Variants in COLEC12 observed in about 807,000 individuals in gnomAD.
COLEC12 encodes the protein collectin subfamily member 12.
A neutral mutation model predicts 71.1 loss-of-function variants in COLEC12; 33 were observed. The observed-to-expected ratio is 0.46, with a 90% confidence interval of 0.35 to 0.62. COLEC12 has a LOEUF of 0.62. Among genes scored for constraint, COLEC12 ranks in the 20% least tolerant of loss-of-function variants. The pLI is 0.00. For synonymous variants in COLEC12, 350 were observed against 353.0 expected, an observed-to-expected ratio of 0.99 and a Z score of 0.10; for missense variants, 765 against 916.1, an observed-to-expected ratio of 0.84 and a Z score of 2.13.
Position 387,931 on chromosome 18 carries a change from GCT to G in COLEC12, c.59-30411_59-30410del. ...AAATTGTCAGTTCAGCCAATTGCTAGCTCTCTCCAATACTTGGGATCTAGGAA... is the reference window on the plus strand; with the variant it reads ...AAATTGTCAGTTCAGCCAATTGCTAGCTCTCCAATACTTGGGATCTAGGAA... On this transcript the variant is annotated intron_variant, in intron 2 of 9. Coordinates refer to ENST00000400256, the MANE Select transcript of COLEC12 (RefSeq NM_130386.3). Among the ~76,000 whole-genome samples, 3 of 152,296 alleles carry G rather than the reference GCT, an allele frequency of 2.0e-5. No individual in the cohort carries two copies. The South Asian group carries it at 6.2e-4, about 32-fold the overall frequency.
Position 421,787 on chromosome 18 carries a change from G to T in COLEC12, c.58+58920C>A, listed in dbSNP as rs372242016. Among the ~76,000 whole-genome samples, 7 of 152,236 alleles carry T rather than the reference G, an allele frequency of 4.6e-5. No homozygotes were observed. In the South Asian group the frequency reaches 1.2e-3, roughly 27 times the overall value. ...ACATTCCTGCCAGTGTTTTCAAATA[G>T]ACTCCAAACTGCCATTCAAGCATTT... On this transcript the variant is annotated intron_variant, in intron 2 of 9. Transcript: ENST00000400256.
chr18:495,154 G>A (rs955357938), intron 1 of COLEC12, among the ~76,000 whole-genome samples: 1 of 152,120 alleles, frequency 6.6e-6, no homozygotes, highest in Non-Finnish European at 1.5e-5. Context: ...GTATGATGCT[G>A]GTTTTGGTTC....
At chr18:321,883 T>C (rs1913714813) in intron 8 of COLEC12, 76 bp from the exon 9 acceptor site, 1 of 1,433,748 alleles carries the variant, frequency 7.0e-7, no homozygotes, top group Admixed American at 2.2e-5. Context: ...CAGCAGAGAA[T>C]ATAAAAAAAC....
chr18:344,676 A>G (rs1914333001), intron 5 of COLEC12, among the ~76,000 whole-genome samples: 1 of 152,220 alleles, frequency 6.6e-6, no homozygotes, highest in African/African-American at 2.4e-5. Context: ...CTTCCAGTCA[A>G]CTAAAATCCC....
At chr18:475,093 A>T (rs1223159155) in intron 2 of COLEC12, among the ~76,000 whole-genome samples, 1 of 152,020 alleles carries the variant, frequency 6.6e-6, no homozygotes, top group African/African-American at 2.4e-5. Context: ...ATAAATAAAT[A>T]AATTCAGAAA....
chr18:372,610 G>A (rs1915024598), intron 2 of COLEC12, among the ~76,000 whole-genome samples: 1 of 151,972 alleles, frequency 6.6e-6, no homozygotes. Context: ...TAGAAATGGG[G>A]TTTCACCATA....
Position 321,593 on chromosome 18 carries a change from C to A in COLEC12, c.2209+69G>T. On this transcript the variant is annotated intron_variant, in intron 9 of 9. Transcript: ENST00000400256. ...AGTGCCTGCATTCAGGGCCCTTGTACTCACCACCCCTCACCCTTTCATAGG... is the reference window on the plus strand; with the variant it reads ...AGTGCCTGCATTCAGGGCCCTTGTAATCACCACCCCTCACCCTTTCATAGG... The A allele has an allele frequency of 2.5e-6, 4 of 1,570,094 alleles. No individual in the cohort carries two copies. In the South Asian group the frequency reaches 4.5e-5, roughly 18 times the overall value.
At chr18:446,528 C>T (rs1408607054) in intron 2 of COLEC12, among the ~76,000 whole-genome samples, 6 of 144,636 alleles carry the variant, frequency 4.1e-5, no homozygotes, top group African/African-American at 1.5e-4. Context: ...ATAGCAAGAC[C>T]CTATCTCTGT....
At chr18:393,481 C>T (rs1915506345) in intron 2 of COLEC12, among the ~76,000 whole-genome samples, 1 of 152,066 alleles carries the variant, frequency 6.6e-6, no homozygotes, top group Non-Finnish European at 1.5e-5. Context: ...CTTCCCACCT[C>T]TAACAACTGT....
intron 2 of COLEC12, among the ~76,000 whole-genome samples, chr18:376,486 T>C (rs1915115722): frequency 1.3e-5 from 2 of 152,226 alleles, no homozygotes; most frequent in South Asian, 4.1e-4. Context: ...TTTTGGCACG[T>C]TGCACTGTAG....
chr18:419,819 G>A (rs759461431), intron 2 of COLEC12, among the ~76,000 whole-genome samples: 1 of 152,190 alleles, frequency 6.6e-6, no homozygotes. Flanking sequence ...AGAGTGGGTT[G>A]GTGGGGGTGA....
chr18:377,432 A>G (rs1313596169), intron 2 of COLEC12, among the ~76,000 whole-genome samples: 1 of 152,210 alleles, frequency 6.6e-6, no homozygotes, highest in African/African-American at 2.4e-5. Flanking sequence ...GGCTAGATCT[A>G]ACAGTGTGCG....
intron 2 of COLEC12, among the ~76,000 whole-genome samples, chr18:409,377 A>G (rs1016245276): frequency 6.6e-6 from 1 of 152,090 alleles, no homozygotes; most frequent in Non-Finnish European, 1.5e-5. Context: ...CTACTAATAA[A>G]ACAAAAATTA....
At chr18:437,950 A>C (rs1432311813) in intron 2 of COLEC12, among the ~76,000 whole-genome samples, 1 of 152,250 alleles carries the variant, frequency 6.6e-6, no homozygotes, top group Non-Finnish European at 1.5e-5. Flanking sequence ...ATAGTTCCAA[A>C]GAAATAGACT....
At chr18:379,127 T>G (rs1915177576) in intron 2 of COLEC12, among the ~76,000 whole-genome samples, 1 of 150,632 alleles carries the variant, frequency 6.6e-6, no homozygotes, top group African/African-American at 2.4e-5. Context: ...TTGTTTTTGT[T>G]TTTTTTTTTC....
chr18:493,908 T>C (rs1196394492), intron 1 of COLEC12, among the ~76,000 whole-genome samples: 2 of 152,160 alleles, frequency 1.3e-5, no homozygotes, highest in Non-Finnish European at 2.9e-5. Context: ...ATATCCTTAC[T>C]GGATAAAACC....
At chr18:404,258 T>C (rs1915742592) in intron 2 of COLEC12, among the ~76,000 whole-genome samples, 1 of 152,162 alleles carries the variant, frequency 6.6e-6, no homozygotes, top group South Asian at 2.1e-4. Flanking sequence ...GAAAATGTGG[T>C]TTAAAAAAAA....
chr18:374,347 A>G (rs1005066852), intron 2 of COLEC12, among the ~76,000 whole-genome samples: 2 of 152,206 alleles, frequency 1.3e-5, no homozygotes, highest in African/African-American at 4.8e-5. Flanking sequence ...TTTGAAATAC[A>G]TACATTTTTT....
intron 1 of COLEC12, among the ~76,000 whole-genome samples, chr18:490,609 T>C (rs181255752): frequency 5.7e-4 from 87 of 152,248 alleles, no homozygotes; most frequent in African/African-American, 1.9e-3. Flanking sequence ...CAAAATAAGA[T>C]TATATGAATG....
Sources: gnomAD v4.1 joint callset for allele counts (sites outside exome capture counted in the v4.1 genomes callset) on GRCh38, gnomAD v4.1.1 for gene constraint, MANE v1.5 for transcripts, NCBI Gene and HGNC (gene_info 2026-07-23, HGNC 2026-07-21) for gene names.